CHST8: variants seen among roughly 807,000 people sequenced by gnomAD.
The protein encoded by CHST8 is GALNAC-4-ST1.
In CHST8, 10 loss-of-function variants were observed where a neutral mutation model predicts 15.0. The ratio of observed to expected loss-of-function variants is 0.67; its 90% CI spans 0.41 to 1.13. The LOEUF (loss-of-function observed/expected upper bound fraction) is 1.13. Among genes scored for constraint, CHST8 ranks in the 50% most tolerant of loss-of-function variants. CHST8 has a pLI of 0.00. For synonymous variants in CHST8, 259 were observed against 256.6 expected (o/e 1.01, Z -0.09); for missense variants, 634 against 608.2 (o/e 1.04, Z -0.45).
chr19:33,673,012 G>C (rs1972761699), intron 2 of CHST8, among the ~76,000 whole-genome samples: 1 of 152,186 alleles, frequency 6.6e-6, no homozygotes, highest in African/African-American at 2.4e-5. Flanking sequence ...ATCCTCAGAA[G>C]GGGAGACACT....
intron 2 of CHST8, among the ~76,000 whole-genome samples, chr19:33,683,720 T>C (rs1488267767): frequency 2.0e-5 from 3 of 152,220 alleles, no homozygotes; most frequent in Non-Finnish European, 2.9e-5. Context: ...TGCCGGGGAC[T>C]GTGCTAGGTG....
intron 1 of CHST8, among the ~76,000 whole-genome samples, chr19:33,649,789 A>C (rs1972410449): frequency 6.6e-6 from 1 of 152,180 alleles, no homozygotes; most frequent in African/African-American, 2.4e-5. Flanking sequence ...TACTGAAATC[A>C]GTCTCTTGTC....
intron 3 of CHST8, among the ~76,000 whole-genome samples, chr19:33,727,594 A>AT (rs1973925127): frequency 6.6e-6 from 1 of 152,044 alleles, no homozygotes; most frequent in South Asian, 2.1e-4. Flanking sequence ...TTATTAATCC[A>AT]TTTTGTGAAT....
intron 2 of CHST8, among the ~76,000 whole-genome samples, chr19:33,684,264 G>A (rs1394766855): frequency 6.6e-6 from 1 of 152,184 alleles, no homozygotes; most frequent in Non-Finnish European, 1.5e-5. Flanking sequence ...CATGGGGCTG[G>A]GGGGGAGTGG....
chr19:33,689,322 G>A lies in CHST8; in HGVS notation c.61G>A (p.Gly21Arg), dbSNP rs563414917. The A allele has an allele frequency of 8.1e-6, 13 of 1,609,560 alleles. No individual in the cohort carries two copies. Among genetic ancestry groups the A allele is most frequent in the East Asian group, 6.7e-5 (3 of 44,566 alleles). Residue 21 changes from glycine (G) to arginine (R), a missense_variant, in exon 3 of 5, where the codon GGA becomes AGA. Transcript: ENST00000650847. ...CATGTTCTCTTCCATCCTGCTGTTC[G>A]GAGCTGCAGGCCTCCTCCTCTTCAT... ...ACMFSSILLF[G>R]AAGLLLFISL...
intron 1 of CHST8, among the ~76,000 whole-genome samples, chr19:33,660,612 G>A (rs769648683): frequency 2.6e-5 from 4 of 152,176 alleles, no homozygotes; most frequent in Non-Finnish European, 4.4e-5. Flanking sequence ...GTTTACAAAT[G>A]CCACGGCAAT....
At chr19:33,716,082 C>T (rs1973661080) in intron 3 of CHST8, among the ~76,000 whole-genome samples, 2 of 152,194 alleles carry the variant, frequency 1.3e-5, no homozygotes, top group Non-Finnish European at 2.9e-5. Context: ...GCAGGGTGGA[C>T]CTCTTAACCT....
rs115031680 is a variant in CHST8, at chr19:33,749,842, G to A, written c.131-21571G>A. 5.3e-3 allele frequency among the ~76,000 whole-genome samples: 807 copies of A among 152,304 alleles called. 6 individuals carry two copies. The highest frequency in any genetic ancestry group is 0.014 in the Middle Eastern group (4 of 294). ...GTGGGTTGTATGTCACGTGCTGTGC[G>A]CTGTCCAGCTGGCGCACCAAGCACC... is the stretch of plus-strand genomic sequence containing the variant. On this transcript the variant is annotated intron_variant, in intron 3 of 4. Coordinates refer to ENST00000650847, the MANE Select transcript of CHST8 (RefSeq NM_001127895.2).
At chr19:33,684,966 T>C (rs764181241) in intron 2 of CHST8, 1 of 152,308 alleles carries the variant, frequency 6.6e-6, no homozygotes, top group Non-Finnish European at 1.5e-5. Context: ...TGTTCTCTCC[T>C]GCCCGTGTGG....
chr19:33,622,725 G>T (rs963653283), intron 1 of CHST8, among the ~76,000 whole-genome samples: 1 of 152,130 alleles, frequency 6.6e-6, no homozygotes, highest in Admixed American at 6.5e-5. Flanking sequence ...CGGAGCCGGG[G>T]CTCCGGACGG....
At chr19:33,700,622 C>T (rs561857609) in intron 3 of CHST8, among the ~76,000 whole-genome samples, 1 of 152,352 alleles carries the variant, frequency 6.6e-6, no homozygotes, top group Admixed American at 6.5e-5. Context: ...TTCTTCCAAG[C>T]GTGGCTCTGG....
chr19:33,772,893 A>C lies in CHST8; in HGVS notation c.1105A>C (p.Thr369Pro). The stretch of plus-strand genomic sequence containing the variant: ...CCTCATCCGCGCGCCGCGGAACCTG[A>C]CCTTCCCCCGGTTCAAGGACCGGCA... ...LSLIRAPRNL[T>P]FPRFKDRHSQ... The change falls in exon 5 of 5, where the codon ACC becomes CCC. Residue 369 changes from threonine to proline, a missense_variant. Transcript: ENST00000650847. 6.2e-7 allele frequency: 1 copy of C among 1,613,386 alleles called. No individual in the cohort carries two copies. The highest frequency in any genetic ancestry group is 8.5e-7 in the Non-Finnish European group (1 of 1,180,004).
intron 1 of CHST8, among the ~76,000 whole-genome samples, chr19:33,647,876 A>G (rs983882529): frequency 6.6e-6 from 1 of 152,024 alleles, no homozygotes; most frequent in Non-Finnish European, 1.5e-5. Context: ...ATAAAATAAA[A>G]AAGAAATGAG....
chr19:33,739,231 A>G (rs1599604953), intron 3 of CHST8, among the ~76,000 whole-genome samples: 1 of 152,132 alleles, frequency 6.6e-6, no homozygotes, highest in East Asian at 1.9e-4. Context: ...TGTCCCAGCC[A>G]TGACTATTAT....
intron 3 of CHST8, among the ~76,000 whole-genome samples, chr19:33,757,020 G>C (rs1974559549): frequency 6.6e-6 from 1 of 152,176 alleles, no homozygotes; most frequent in South Asian, 2.1e-4. Flanking sequence ...ATGATGGTCT[G>C]GGGCCCCCCT....
intron 3 of CHST8, among the ~76,000 whole-genome samples, chr19:33,704,044 T>G (rs1488066979): frequency 6.6e-6 from 1 of 152,144 alleles, no homozygotes; most frequent in Non-Finnish European, 1.5e-5. Flanking sequence ...CATCTTGCCC[T>G]CAGGCCTGGA....
chr19:33,665,891 A>G (rs988772637), intron 1 of CHST8, among the ~76,000 whole-genome samples: 2 of 152,224 alleles, frequency 1.3e-5, no homozygotes, highest in Non-Finnish European at 2.9e-5. Flanking sequence ...GGCAGCAGAC[A>G]AGGTCAGACT....
At chr19:33,662,250 G>A (rs1972597633) in intron 1 of CHST8, among the ~76,000 whole-genome samples, 2 of 152,004 alleles carry the variant, frequency 1.3e-5, no homozygotes, top group Admixed American at 1.3e-4. Flanking sequence ...GCTACTTTTT[G>A]TATTTTTAGT....
intron 1 of CHST8, among the ~76,000 whole-genome samples, chr19:33,666,640 G>T (rs996492039): frequency 2.6e-5 from 4 of 152,164 alleles, no homozygotes; most frequent in Admixed American, 1.3e-4. Context: ...AATTCCTCTT[G>T]TTAGTAAGAT....
Sources: gnomAD v4.1 joint callset for allele counts (sites outside exome capture counted in the v4.1 genomes callset) on GRCh38, gnomAD v4.1.1 for gene constraint, MANE v1.5 for transcripts, NCBI Gene and HGNC (gene_info 2026-07-23, HGNC 2026-07-21) for gene names.